Variants in STAB2 observed in about 807,000 individuals in gnomAD.
STAB2 encodes the protein stabilin 2, also known as stabilin-2.
In STAB2, 288 loss-of-function variants were observed where a neutral mutation model predicts 338.1. That is an observed-to-expected ratio of 0.85 (90% CI 0.77 to 0.94). The LOEUF (loss-of-function observed/expected upper bound fraction) is 0.94, where lower values mean the gene tolerates loss of function less well. STAB2 is among the 40% of genes least tolerant of loss of function. STAB2 has a pLI of 0.00. For missense variants in STAB2, 3,141 were observed against 3,210.1 expected, an observed-to-expected ratio of 0.98 and a Z score of 0.52; for synonymous variants, 1,202 against 1,193.3, an observed-to-expected ratio of 1.01 and a Z score of -0.15.
intron 65 of STAB2, among the ~76,000 whole-genome samples, chr12:103,760,460 C>T (rs1884455744): frequency 6.6e-6 from 1 of 152,186 alleles, no homozygotes; most frequent in South Asian, 2.1e-4. Flanking sequence ...GGGGTTTTGC[C>T]ATGTTGGCCA....
In STAB2 at chr12:103,732,711, G is replaced by T. The variant is rs142179454; in HGVS notation, c.5284-295G>T. ...TCCCAGCTACTCAGGAGGTTGAGGT[G>T]GGAGGATCACTTGAACCCACGAGGT... On this transcript the variant is annotated intron_variant, in intron 50 of 68. Coordinates refer to ENST00000388887, the MANE Select transcript of STAB2 (RefSeq NM_017564.10). 5.2e-3 allele frequency among the ~76,000 whole-genome samples: 787 copies of T among 151,870 alleles called. 6 individuals are homozygous for T. Among genetic ancestry groups the T allele is most frequent in the African/African-American group, 0.018 (740 of 41,416 alleles).
chr12:103,743,233 G>T (rs1882734965), intron 56 of STAB2, among the ~76,000 whole-genome samples: 1 of 151,858 alleles, frequency 6.6e-6, no homozygotes. Flanking sequence ...TGTTGGTCAG[G>T]CTGGTCTCAA....
At chr12:103,750,824 C>T in intron 60 of STAB2, 104 bp downstream of exon 60, 1 of 1,419,480 alleles carries the variant, frequency 7.0e-7, no homozygotes, top group Non-Finnish European at 9.3e-7. Context: ...AGCCTGGTGG[C>T]TCAAGCCTGT....
Position 103,682,675 on chromosome 12 carries a change from C to T in STAB2, c.2806-530C>T, listed in dbSNP as rs189131760. Among the ~76,000 whole-genome samples the T allele has an allele frequency of 6.6e-5, 10 of 152,252 alleles. No homozygotes were observed. The East Asian group carries it at 9.7e-4, about 15-fold the overall frequency. Reference sequence around the variant, plus strand: ...GTAAAGAATTCAGGAAGAGGCTGGGCGTGGTGGCTCATGCCTGTAATCCTA... The same window carrying T: ...GTAAAGAATTCAGGAAGAGGCTGGGTGTGGTGGCTCATGCCTGTAATCCTA... On this transcript the variant is annotated intron_variant, in intron 25 of 68. Coordinates refer to ENST00000388887, the MANE Select transcript of STAB2 (RefSeq NM_017564.10).
rs780363569 is a variant in STAB2, at chr12:103,763,494, G to T, written c.7491G>T (p.Ser2497=). The change falls in exon 68 of 69, where the codon TCG becomes TCT. Residue 2497 remains serine, a splice_region_variant and synonymous_variant. Coordinates refer to ENST00000388887, the MANE Select transcript of STAB2 (RefSeq NM_017564.10). The part of the protein sequence containing the change: ...RRTIGFQHFE[S]EEDINVAALG... The stretch of plus-strand genomic sequence containing the variant: ...TTCATGCTTGTCTTTCCAAACAGTC[G>T]GAAGAGGACATTAATGTTGCAGCTC... 12 of 1,613,828 alleles carry T rather than the reference G, an allele frequency of 7.4e-6. No homozygotes were observed. The East Asian group carries it at 1.8e-4, about 24-fold the overall frequency.
intron 24 of STAB2, among the ~76,000 whole-genome samples, chr12:103,676,657 A>G (rs1876401294): frequency 6.6e-6 from 1 of 152,142 alleles, no homozygotes; most frequent in South Asian, 2.1e-4. Context: ...GTAGGGGTGT[A>G]TCCAGAACCT....
At chr12:103,703,299 AG>A in intron 35 of STAB2, 23 bp downstream of exon 35, 1 of 1,607,332 alleles carries the variant, frequency 6.2e-7, no homozygotes, top group Non-Finnish European at 8.5e-7. Context: ...GGCCAGAGCC[AG>A]TGATGGAACT....
intron 35 of STAB2, 57 bp downstream of exon 35, chr12:103,703,333 T>C: frequency 1.9e-6 from 3 of 1,584,370 alleles, no homozygotes; most frequent in Non-Finnish European, 2.6e-6. Context: ...CTTTTTTTTA[T>C]ATAATTTTGG....
At chr12:103,760,159 C>T (rs974112100) in intron 65 of STAB2, among the ~76,000 whole-genome samples, 26 of 152,286 alleles carry the variant, frequency 1.7e-4, no homozygotes, top group African/African-American at 6.3e-4. Flanking sequence ...GTATTACCTG[C>T]TTTTAGGGAG....
intron 41 of STAB2, 130 bp downstream of exon 41, chr12:103,712,573 G>T: frequency 1.4e-6 from 1 of 711,408 alleles, no homozygotes; most frequent in Non-Finnish European, 2.5e-6. Flanking sequence ...TGTATGTAAT[G>T]GGGCAGTTGA....
rs1882400965 is a variant in STAB2 at position 103,739,452 on chromosome 12, GGT to G, written c.5740_5741del (p.Trp1914GlufsTer2). On this transcript the variant is annotated frameshift_variant, in exon 54 of 69. Coordinates refer to ENST00000388887, the MANE Select transcript of STAB2 (RefSeq NM_017564.10). LOFTEE classifies it high-confidence loss of function. ...TGTGTCAATACTCCCAGCTGCCCAA[GGT>G]GGAGTAAACCAAAGGTAATTAAGAC... 1 of 1,593,660 alleles carries G rather than the reference GGT, an allele frequency of 6.3e-7. No homozygotes were observed. The highest frequency in any genetic ancestry group is 8.5e-7 in the Non-Finnish European group (1 of 1,170,040).
intron 55 of STAB2, among the ~76,000 whole-genome samples, chr12:103,741,339 G>A (rs1440331240): frequency 2.7e-4 from 41 of 152,190 alleles, no homozygotes; most frequent in Non-Finnish European, 4.4e-5. Flanking sequence ...TCTGCTACAT[G>A]TTGTTCTAAG....
chr12:103,713,975 G>A lies in STAB2; in HGVS notation c.4537+207G>A, dbSNP rs115874057. On this transcript the variant is annotated intron_variant, in intron 42 of 68. Coordinates refer to ENST00000388887, the MANE Select transcript of STAB2 (RefSeq NM_017564.10). ...AAAAATTACTTCGGAAGGGTAAAAG[G>A]AGATACATTTTCCAATTAAACATCA... Among the ~76,000 whole-genome samples, 232 of 152,308 alleles carry A rather than the reference G, an allele frequency of 1.5e-3. 1 individual carries two copies. The highest frequency in any genetic ancestry group is 5.5e-3 in the African/African-American group (228 of 41,576).
rs906405462 is a variant in STAB2 at position 103,655,232 on chromosome 12, G to A, written c.1552-19G>A. ...CAATATTTTATTTCCTGATTTTTAA[G>A]CAAAATGTCTCTTTTTAGCAAACCA... is the stretch of plus-strand genomic sequence containing the variant. On this transcript the variant is annotated intron_variant, in intron 13 of 68. Transcript: ENST00000388887. 1 of 1,597,422 alleles carries A rather than the reference G, an allele frequency of 6.3e-7. No individual in the cohort carries two copies. Among genetic ancestry groups the A allele is most frequent in the South Asian group, 1.2e-5 (1 of 86,686 alleles).
chr12:103,702,022 A>C lies in STAB2; in HGVS notation c.3715-1126A>C, dbSNP rs951298360. On this transcript the variant is annotated intron_variant, in intron 34 of 68. Transcript: ENST00000388887. ...CACACACACACACACACACACACAC[A>C]CCCCACCCCAATTTTTCAAAGAATG... is the stretch of plus-strand genomic sequence containing the variant. Among the ~76,000 whole-genome samples the C allele has an allele frequency of 1.9e-4, 23 of 122,414 alleles. No individual in the cohort carries two copies. The South Asian group carries it at 4.3e-3, about 23-fold the overall frequency. 80.3% of individuals were successfully genotyped at this position (122,414 alleles called of 152,430 possible).
In STAB2 at chr12:103,689,993, C is replaced by T; in HGVS notation, c.3182+11C>T. On this transcript the variant is annotated intron_variant, in intron 29 of 68. Transcript: ENST00000388887. ...TCCAGCCCTAATAAAGTAGGTGTTA[C>T]TTATTTTATTTTACATCGTATCTGA... is the stretch of plus-strand genomic sequence containing the variant. 1 of 1,609,550 alleles carries T rather than the reference C, an allele frequency of 6.2e-7. No homozygotes were observed. Among genetic ancestry groups the T allele is most frequent in the Non-Finnish European group, 8.5e-7 (1 of 1,178,454 alleles).
chr12:103,657,226 T>TAAAAAAAAAA (rs140834161), intron 15 of STAB2, among the ~76,000 whole-genome samples: 4 of 116,412 alleles, frequency 3.4e-5, no homozygotes, highest in Non-Finnish European at 5.3e-5. Context: ...TAAAGTGAGC[T>TAAAAAAAAAA]AAAAAAAAAA....
chr12:103,727,128 T>C, intron 46 of STAB2, 139 bp from the exon 47 acceptor site: 1 of 805,610 alleles, frequency 1.2e-6, no homozygotes, highest in East Asian at 2.5e-5. Context: ...TGGGTTTCAT[T>C]TGAATCCAAG....
chr12:103,710,164 T>TC lies in STAB2; in HGVS notation c.4289-1303dup, dbSNP rs1367337149. Among the ~76,000 whole-genome samples, 4 of 152,232 alleles carry TC rather than the reference T, an allele frequency of 2.6e-5. No homozygotes were observed. In the East Asian group the frequency reaches 7.7e-4, roughly 29 times the overall value. On this transcript the variant is annotated intron_variant, in intron 39 of 68. Transcript: ENST00000388887. ...AGATCGTGTTTTTCACCCCAGCTCC[T>TC]CCCCAGAACTTGACAAATTGCTGTG... is the stretch of plus-strand genomic sequence containing the variant.
Sources: allele counts gnomAD v4.1 joint callset (sites outside exome capture counted in the v4.1 genomes callset), GRCh38; gene constraint gnomAD v4.1.1; transcripts MANE v1.5; gene names NCBI Gene and HGNC (gene_info 2026-07-23, HGNC 2026-07-21).